Variants in PTPRN2 observed in about 807,000 individuals in gnomAD.
The protein encoded by PTPRN2 is receptor-type tyrosine-protein phosphatase N2.
PTPRN2 carries 74 observed loss-of-function variants against 118.8 expected under a neutral mutation model. The ratio of observed to expected loss-of-function variants is 0.62; its 90% CI spans 0.52 to 0.76. The LOEUF (loss-of-function observed/expected upper bound fraction) is 0.76, where lower values mean the gene tolerates loss of function less well. Ranked by LOEUF, PTPRN2 falls within the 30% of genes least tolerant of loss-of-function variation. The pLI, the probability that PTPRN2 is intolerant of heterozygous loss-of-function variation, is 0.00. For synonymous variants in PTPRN2, 641 were observed against 608.0 expected (o/e 1.05, Z -0.80); for missense variants, 1,481 against 1,394.4 (o/e 1.06, Z -0.99).
At chr7:158,556,287 C>G (rs950536406) in intron 1 of PTPRN2, among the ~76,000 whole-genome samples, 2 of 152,178 alleles carry the variant, frequency 1.3e-5, no homozygotes, top group African/African-American at 4.8e-5. Flanking sequence ...GGCATGGTGG[C>G]TTACACCTGT....
At chr7:157,581,980 TG>T (rs555645981) in intron 17 of PTPRN2, among the ~76,000 whole-genome samples, 44 of 152,334 alleles carry the variant, frequency 2.9e-4, no homozygotes, top group African/African-American at 9.4e-4. Context: ...CACGGGACAC[TG>T]CAGAGGCCGT....
chr7:158,136,460 G>C (rs1224429318), intron 8 of PTPRN2, among the ~76,000 whole-genome samples, 195 bp downstream of exon 8: 1 of 152,146 alleles, frequency 6.6e-6, no homozygotes, highest in African/African-American at 2.4e-5. Context: ...TTTGAAAAGA[G>C]ATATTTCGTA....
At chr7:158,524,393 T>C (rs1437424674) in intron 1 of PTPRN2, among the ~76,000 whole-genome samples, 4 of 106,728 alleles carry the variant, frequency 3.7e-5, no homozygotes, top group East Asian at 6.0e-4. Flanking sequence ...TGCCCTGGAG[T>C]GGAGTCGTCT....
intron 3 of PTPRN2, among the ~76,000 whole-genome samples, chr7:158,267,192 G>C (rs1797942592): frequency 1.3e-5 from 2 of 152,244 alleles, no homozygotes; most frequent in African/African-American, 2.4e-5. Flanking sequence ...GAAGGAGCCA[G>C]TCAGGAAAAG....
chr7:158,006,863 C>T (rs1805664878), intron 11 of PTPRN2, among the ~76,000 whole-genome samples: 1 of 152,182 alleles, frequency 6.6e-6, no homozygotes, highest in African/African-American at 2.4e-5. Flanking sequence ...CTCCATCATG[C>T]GGTCATGACA....
Position 157,929,479 on chromosome 7 carries a change from C to A in PTPRN2, c.1724-30742G>T, listed in dbSNP as rs1054056833. Among the ~76,000 whole-genome samples, 1 of 152,124 alleles carries A rather than the reference C, an allele frequency of 6.6e-6. No individual in the cohort carries two copies. The highest frequency in any genetic ancestry group is 1.5e-5 in the Non-Finnish European group (1 of 68,026). On this transcript the variant is annotated intron_variant, in intron 11 of 22. Transcript: ENST00000389418. The surrounding 1 kb of genome is among the most constrained non-coding windows in gnomAD (Gnocchi z 4.4). ...ATCGTTTCCCATGCTTAAGCTCAGA[C>A]GCCCACCCAGCACAGCCTCCGCCGC...
intron 2 of PTPRN2, among the ~76,000 whole-genome samples, chr7:158,442,031 G>A (rs182388634): frequency 2.2e-3 from 335 of 150,762 alleles, no homozygotes; most frequent in African/African-American, 7.7e-3. Context: ...GATGGTGATA[G>A]TGATGGTGGT....
intron 2 of PTPRN2, among the ~76,000 whole-genome samples, chr7:158,448,855 G>A (rs372471806): frequency 3.9e-5 from 6 of 152,340 alleles, no homozygotes; most frequent in Admixed American, 6.5e-5. Flanking sequence ...CAGGAGCAAC[G>A]GCGTTGGGTG....
intron 12 of PTPRN2, among the ~76,000 whole-genome samples, chr7:157,736,118 C>T (rs1800282800): frequency 1.3e-5 from 2 of 152,164 alleles, no homozygotes; most frequent in African/African-American, 4.8e-5. Flanking sequence ...CACTGGTAGC[C>T]CCAAGCATCT....
intron 21 of PTPRN2, among the ~76,000 whole-genome samples, chr7:157,552,134 CACCCCACAGCCACCGTGT>C (rs1186800923): frequency 6.6e-6 from 1 of 152,088 alleles, no homozygotes; most frequent in Non-Finnish European, 1.5e-5. Context: ...ACTGACCACA[CACCCCACAGCCACCGTGT>C]ACCCCACGGC....
At chr7:158,439,664 G>A (rs923582427) in intron 2 of PTPRN2, among the ~76,000 whole-genome samples, 4 of 152,178 alleles carry the variant, frequency 2.6e-5, no homozygotes, top group African/African-American at 4.8e-5. Context: ...GTCATGATGT[G>A]TATTAATATA....
At chr7:157,631,967 G>A (rs1803990494) in intron 14 of PTPRN2, among the ~76,000 whole-genome samples, 1 of 152,190 alleles carries the variant, frequency 6.6e-6, no homozygotes, top group Non-Finnish European at 1.5e-5. Flanking sequence ...GAGGCACTGG[G>A]ACATGATCAC....
intron 14 of PTPRN2, among the ~76,000 whole-genome samples, chr7:157,638,845 G>A (rs917109035): frequency 1.3e-5 from 2 of 152,138 alleles, no homozygotes; most frequent in African/African-American, 4.8e-5. Context: ...AGCATTAGCC[G>A]TCAGGGCCCA....
At chr7:157,788,350 G>A (rs1278501923) in intron 12 of PTPRN2, among the ~76,000 whole-genome samples, 4 of 142,396 alleles carry the variant, frequency 2.8e-5, no homozygotes, top group African/African-American at 8.5e-5. Flanking sequence ...ACTCCAGCCT[G>A]GGAAACAGAA....
chr7:158,241,074 T>C (rs1191785132), intron 3 of PTPRN2, among the ~76,000 whole-genome samples: 2 of 152,206 alleles, frequency 1.3e-5, no homozygotes, highest in Admixed American at 6.5e-5. Context: ...CCAGCCAGCA[T>C]CCAGTTCCAG....
In PTPRN2 at chr7:158,525,048, C is replaced by G. The variant is rs539839519; in HGVS notation, c.113-35263G>C. Among the ~76,000 whole-genome samples, 6 of 152,102 alleles carry G rather than the reference C, an allele frequency of 3.9e-5. No individual in the cohort carries two copies. The highest frequency in any genetic ancestry group is 8.8e-5 in the Non-Finnish European group (6 of 68,026). ...CTCCTGCACCCTCCGAAAAGACAGC[C>G]CTTGGAAGACTGTGGCTCAGGATGC... On this transcript the variant is annotated intron_variant, in intron 1 of 22. Transcript: ENST00000389418. This position sits in a 1 kb window ranked among gnomAD's most constrained non-coding sequence, Gnocchi z 4.1.
intron 16 of PTPRN2, among the ~76,000 whole-genome samples, chr7:157,600,677 G>A (rs1238742416): frequency 6.6e-6 from 1 of 152,218 alleles, no homozygotes; most frequent in African/African-American, 2.4e-5. Context: ...CCAAAGTGCT[G>A]GGATTACAGG....
At chr7:157,921,106 A>G (rs906308898) in intron 11 of PTPRN2, among the ~76,000 whole-genome samples, 1 of 152,208 alleles carries the variant, frequency 6.6e-6, no homozygotes, top group Middle Eastern at 3.2e-3. Flanking sequence ...GAATGGATCA[A>G]CCGTGGTGTA....
intron 12 of PTPRN2, among the ~76,000 whole-genome samples, chr7:157,895,055 C>CCCA (rs1554484944): frequency 6.6e-6 from 1 of 151,842 alleles, no homozygotes; most frequent in Non-Finnish European, 1.5e-5. Context: ...GACCCCTCCC[C>CCCA]CACAGGAGGG....
Sources: allele counts gnomAD v4.1 joint callset (sites outside exome capture counted in the v4.1 genomes callset), GRCh38; gene constraint gnomAD v4.1.1; non-coding constraint Gnocchi (gnomAD v3.1); transcripts MANE v1.5; gene names NCBI Gene and HGNC (gene_info 2026-07-23, HGNC 2026-07-21).